Variants in RANBP2 observed in about 807,000 individuals in gnomAD.
RANBP2 encodes RAN binding protein 2.
Under a neutral mutation model 303.6 loss-of-function variants are expected in RANBP2, and 57 were observed. The observed-to-expected ratio is 0.19, with a 90% CI of 0.15 to 0.23. RANBP2 has a LOEUF of 0.23. Among genes scored for constraint, RANBP2 ranks in the 10% least tolerant of loss-of-function variants. The pLI is 1.00. For missense variants in RANBP2, 3,138 were observed against 3,780.8 expected (o/e 0.83, Z 4.46); for synonymous variants, 1,167 against 1,301.5 (o/e 0.90, Z 2.23).
the RANBP2 span, among the ~76,000 whole-genome samples, chr2:109,428,592 C>T: frequency 6.6e-6 from 1 of 152,204 alleles, no homozygotes; most frequent in Admixed American, 6.5e-5. Flanking sequence ...AGCAACCTGC[C>T]CTCAAGAGGC....
the RANBP2 span, among the ~76,000 whole-genome samples, chr2:108,800,257 A>G: frequency 6.6e-6 from 1 of 152,002 alleles, no homozygotes; most frequent in African/African-American, 2.4e-5. Context: ...TTTAGGCCTC[A>G]CTTTTTTTGT....
intron 20 of RANBP2, among the ~76,000 whole-genome samples, chr2:108,770,280 A>T (rs1005199719): frequency 6.6e-6 from 1 of 152,226 alleles, no homozygotes; most frequent in South Asian, 2.1e-4. Flanking sequence ...TTACTGAGTA[A>T]TAGCAGAAGT....
At chr2:108,775,393 C>T (rs544361269) in intron 23 of RANBP2, among the ~76,000 whole-genome samples, 3 of 152,188 alleles carry the variant, frequency 2.0e-5, no homozygotes, top group African/African-American at 7.2e-5. Context: ...GACATTGTGC[C>T]ATTGGCAGTT....
At chr2:108,993,541 G>T in the RANBP2 span, among the ~76,000 whole-genome samples, 3 of 152,188 alleles carry the variant, frequency 2.0e-5, no homozygotes, top group Non-Finnish European at 4.4e-5. Flanking sequence ...TGCACAGAGG[G>T]AGGGCCTTTA....
chr2:109,174,926 T>C, the RANBP2 span, among the ~76,000 whole-genome samples: 2 of 152,248 alleles, frequency 1.3e-5, no homozygotes, highest in East Asian at 1.9e-4. Flanking sequence ...TGTCATCTAA[T>C]GGGGAGAGTC....
the RANBP2 span, among the ~76,000 whole-genome samples, chr2:109,012,521 C>A: frequency 1.3e-5 from 2 of 152,188 alleles, no homozygotes; most frequent in African/African-American, 4.8e-5. Flanking sequence ...TCTTCAGTGG[C>A]CCCTCCGGCA....
At chr2:109,360,481 A>G in the RANBP2 span, among the ~76,000 whole-genome samples, 5 of 152,232 alleles carry the variant, frequency 3.3e-5, no homozygotes, top group Non-Finnish European at 7.3e-5. Context: ...TATAAGGTAT[A>G]TATAAAACAC....
chr2:108,856,747 A>G, the RANBP2 span: 1 of 1,578,312 alleles, frequency 6.3e-7, no homozygotes, highest in African/African-American at 1.4e-5. Context: ...TCTGATTGAC[A>G]CCTAGACTAG....
At chr2:109,725,246 C>A in the RANBP2 span, among the ~76,000 whole-genome samples, 2 of 152,186 alleles carry the variant, frequency 1.3e-5, no homozygotes, top group African/African-American at 4.8e-5. Context: ...GGAGGTCCTC[C>A]CACCTGAGCC....
the RANBP2 span, among the ~76,000 whole-genome samples, chr2:109,714,042 T>TCACCTC: frequency 6.6e-6 from 1 of 152,230 alleles, no homozygotes; most frequent in Non-Finnish European, 1.5e-5. Flanking sequence ...CAGACGCCAA[T>TCACCTC]CATAAGTAGT....
chr2:109,171,750 C>T, the RANBP2 span, among the ~76,000 whole-genome samples: 1 of 152,258 alleles, frequency 6.6e-6, no homozygotes, highest in East Asian at 1.9e-4. Context: ...TCCTGGTGCC[C>T]ACGCTGGCTG....
chr2:109,055,577 G>A, the RANBP2 span, among the ~76,000 whole-genome samples: 3 of 149,640 alleles, frequency 2.0e-5, no homozygotes, highest in African/African-American at 7.3e-5. Flanking sequence ...GTAGAGACAG[G>A]GTTTCACCAT....
chr2:109,568,626 T>C, the RANBP2 span, among the ~76,000 whole-genome samples: 1 of 152,172 alleles, frequency 6.6e-6, no homozygotes, highest in East Asian at 1.9e-4. Context: ...TGCAATTTCA[T>C]CATACACTTA....
the RANBP2 span, among the ~76,000 whole-genome samples, chr2:109,242,516 C>G: frequency 6.6e-6 from 1 of 152,132 alleles, no homozygotes; most frequent in African/African-American, 2.4e-5. Context: ...ACTGGAGAAG[C>G]GGGAGTGAAT....
At chr2:109,566,455 C>G in the RANBP2 span, among the ~76,000 whole-genome samples, 1 of 151,996 alleles carries the variant, frequency 6.6e-6, no homozygotes, top group South Asian at 2.1e-4. Context: ...AAAGAATTTT[C>G]CTCTAAAAGA....
At chr2:108,729,052 G>A (rs1179052729) in intron 1 of RANBP2, 80 bp from the exon 2 acceptor site, 1 of 1,470,064 alleles carries the variant, frequency 6.8e-7, no homozygotes, top group African/African-American at 1.4e-5. Context: ...CATCAACTTA[G>A]GACAGATTTT....
the RANBP2 span, among the ~76,000 whole-genome samples, chr2:109,241,033 A>G: frequency 1.3e-5 from 2 of 152,242 alleles, no homozygotes; most frequent in Non-Finnish European, 2.9e-5. Context: ...TCTATAGAGC[A>G]TCAGAAGAAT....
the RANBP2 span, among the ~76,000 whole-genome samples, chr2:108,893,909 T>C: frequency 6.6e-6 from 1 of 152,232 alleles, no homozygotes; most frequent in African/African-American, 2.4e-5. Context: ...ACGCATAGTT[T>C]ACTATGGCAC....
chr2:109,354,371 A>G, the RANBP2 span, among the ~76,000 whole-genome samples: 3 of 152,016 alleles, frequency 2.0e-5, no homozygotes, highest in South Asian at 4.1e-4. Context: ...CTAGGAAACC[A>G]CTCGACTGCA....
Sources: gnomAD v4.1 joint callset for allele counts (sites outside exome capture counted in the v4.1 genomes callset) on GRCh38, gnomAD v4.1.1 for gene constraint, MANE v1.5 for transcripts, NCBI Gene and HGNC (gene_info 2026-07-23, HGNC 2026-07-21) for gene names.